The following ASTN2 variants were observed in gnomAD, a reference collection of about 807,000 sequenced individuals.
ASTN2 encodes astrotactin-2.
ASTN2 carries 54 observed loss-of-function variants against 139.8 expected under a neutral mutation model. The ratio of observed to expected loss-of-function variants is 0.39; its 90% CI spans 0.31 to 0.48. The LOEUF (loss-of-function observed/expected upper bound fraction) is 0.48. Among genes scored for constraint, ASTN2 ranks in the 20% least tolerant of loss-of-function variants. The pLI, the probability that ASTN2 is intolerant of heterozygous loss-of-function variation, is 0.95. For missense variants in ASTN2, 1,565 were observed against 1,725.1 expected (o/e 0.91, Z 1.64); for synonymous variants, 756 against 719.5 (o/e 1.05, Z -0.81).
chr9:116,676,515 T>G (rs1859511211), intron 16 of ASTN2, among the ~76,000 whole-genome samples: 1 of 152,210 alleles, frequency 6.6e-6, no homozygotes, highest in Non-Finnish European at 1.5e-5. Context: ...ACAAAATTCC[T>G]CTGTCTTGTT....
intron 12 of ASTN2, among the ~76,000 whole-genome samples, chr9:116,812,059 TTGTG>T (rs1185023200): frequency 6.6e-6 from 1 of 152,224 alleles, no homozygotes; most frequent in African/African-American, 2.4e-5. Context: ...TATGCATTAT[TTGTG>T]TGTGTGTCTC....
At chr9:116,466,166 G>A (rs1848642761) in intron 20 of ASTN2, among the ~76,000 whole-genome samples, 1 of 152,174 alleles carries the variant, frequency 6.6e-6, no homozygotes, top group Non-Finnish European at 1.5e-5. Flanking sequence ...ACGCATAGTG[G>A]AAGAGTGATA....
intron 1 of ASTN2, among the ~76,000 whole-genome samples, chr9:117,344,640 C>T (rs1450719290): frequency 6.6e-6 from 1 of 152,144 alleles, no homozygotes; most frequent in Admixed American, 6.6e-5. Context: ...AAGCATGTTT[C>T]TCTTATGCAA....
rs559323238 is a variant in ASTN2 at position 116,448,009 on chromosome 9, A to G, written c.3498-5456T>C. Among the ~76,000 whole-genome samples, 7 of 152,288 alleles carry G rather than the reference A, an allele frequency of 4.6e-5. No individual in the cohort carries two copies. In the South Asian group the frequency reaches 1.5e-3, roughly 32 times the overall value. On this transcript the variant is annotated intron_variant, in intron 20 of 22. Transcript: ENST00000313400. ...AGTGAGAGCTTCTCACAGATCTGACAGGGGGTAAGAGCAGGGACAGAGCCC... is the reference window on the plus strand; with the variant it reads ...AGTGAGAGCTTCTCACAGATCTGACGGGGGGTAAGAGCAGGGACAGAGCCC...
chr9:116,524,434 C>T (rs1851006809), intron 19 of ASTN2, among the ~76,000 whole-genome samples: 1 of 152,122 alleles, frequency 6.6e-6, no homozygotes, highest in Admixed American at 6.6e-5. Context: ...TGCAAAGGTG[C>T]CAGAAACACC....
intron 1 of ASTN2, among the ~76,000 whole-genome samples, chr9:117,393,574 T>C (rs1478854813): frequency 2.0e-5 from 3 of 152,294 alleles, no homozygotes; most frequent in Admixed American, 6.5e-5. Flanking sequence ...GTGCCATCAC[T>C]CACACGGGAC....
chr9:117,342,172 A>T (rs1174704671), intron 1 of ASTN2, among the ~76,000 whole-genome samples: 1 of 152,180 alleles, frequency 6.6e-6, no homozygotes, highest in East Asian at 1.9e-4. Flanking sequence ...GTCCCCGAAC[A>T]AAGGCATCCT....
intron 6 of ASTN2, among the ~76,000 whole-genome samples, chr9:117,017,837 C>T (rs1244893725): frequency 6.6e-6 from 1 of 151,956 alleles, no homozygotes; most frequent in Non-Finnish European, 1.5e-5. Context: ...TGTGCATACA[C>T]ACTTGTACAT....
intron 13 of ASTN2, among the ~76,000 whole-genome samples, chr9:116,745,270 T>C (rs1829204483): frequency 6.6e-6 from 1 of 152,192 alleles, no homozygotes; most frequent in South Asian, 2.1e-4. Context: ...TTTCGACTTG[T>C]GCATTCTCAA....
intron 20 of ASTN2, among the ~76,000 whole-genome samples, chr9:116,448,904 G>A (rs1848088667): frequency 6.6e-6 from 1 of 152,168 alleles, no homozygotes; most frequent in Non-Finnish European, 1.5e-5. Flanking sequence ...ACACTCTGAA[G>A]TCCAAAGCCT....
intron 10 of ASTN2, among the ~76,000 whole-genome samples, chr9:116,970,421 G>T (rs1836156531): frequency 6.6e-6 from 1 of 152,196 alleles, no homozygotes; most frequent in East Asian, 1.9e-4. Context: ...TGGCATAGAA[G>T]TTTTGAGTCC....
intron 5 of ASTN2, among the ~76,000 whole-genome samples, chr9:117,050,411 A>G (rs1234084619): frequency 6.6e-6 from 1 of 151,988 alleles, no homozygotes; most frequent in Non-Finnish European, 1.5e-5. Context: ...GCCTCCTGTG[A>G]TGGCCTAGTA....
chr9:117,296,076 G>A (rs1336277540), intron 1 of ASTN2, among the ~76,000 whole-genome samples: 1 of 151,734 alleles, frequency 6.6e-6, no homozygotes. Flanking sequence ...TCAAGAGTTC[G>A]AGACCAGCCA....
intron 17 of ASTN2, among the ~76,000 whole-genome samples, chr9:116,642,011 G>C (rs803928): frequency 0.53 from 79,665 of 151,186 alleles, 22,075 homozygotes; most frequent in East Asian, 0.86. Flanking sequence ...CCTAAACAAG[G>C]AATTCCCTGA....
intron 19 of ASTN2, among the ~76,000 whole-genome samples, chr9:116,520,969 A>G (rs1186039628): frequency 1.3e-5 from 2 of 152,142 alleles, no homozygotes; most frequent in African/African-American, 4.8e-5. Context: ...AGACCTCTAC[A>G]TGGAAAACTA....
Position 117,344,981 on chromosome 9 carries a change from T to C in ASTN2, c.443-53468A>G, listed in dbSNP as rs1829170060. Among the ~76,000 whole-genome samples the C allele has an allele frequency of 4.6e-5, 7 of 152,068 alleles. No homozygotes were observed. The South Asian group carries it at 1.5e-3, about 32-fold the overall frequency. The stretch of plus-strand genomic sequence containing the variant: ...GCCGCCTGTACAAGAGTGGGGAACG[T>C]TTTTCTCCCTGGGGCATGAACAGGT... On this transcript the variant is annotated intron_variant, in intron 1 of 22. Coordinates refer to ENST00000313400, the MANE Select transcript of ASTN2 (RefSeq NM_001365068.1).
At chr9:117,056,291 G>A (rs1587911273) in intron 5 of ASTN2, among the ~76,000 whole-genome samples, 1 of 152,206 alleles carries the variant, frequency 6.6e-6, no homozygotes, top group East Asian at 1.9e-4. Flanking sequence ...ACTACTACCA[G>A]TACCTACTTA....
At chr9:117,141,599 C>G in intron 3 of ASTN2, 121 bp from the exon 4 acceptor site, 2 of 888,788 alleles carry the variant, frequency 2.3e-6, no homozygotes, top group African/African-American at 3.5e-5. Flanking sequence ...CCTGGCCACC[C>G]TAATTCCTTG....
At chr9:116,441,160 C>G (rs1228635329) in intron 21 of ASTN2, among the ~76,000 whole-genome samples, 3 of 152,088 alleles carry the variant, frequency 2.0e-5, no homozygotes, top group African/African-American at 7.2e-5. Context: ...TGGATAATCT[C>G]AACACCCTCC....
Sources: gnomAD v4.1 joint callset for allele counts (sites outside exome capture counted in the v4.1 genomes callset) on GRCh38, gnomAD v4.1.1 for gene constraint, MANE v1.5 for transcripts, NCBI Gene and HGNC (gene_info 2026-07-23, HGNC 2026-07-21) for gene names.